The following RFX7 variants were observed in gnomAD, a reference collection of about 807,000 sequenced individuals.
RFX7 encodes DNA-binding protein RFX7.
A neutral mutation model predicts 111.8 loss-of-function variants in RFX7; 26 were observed. The ratio of observed to expected loss-of-function variants is 0.23; its 90% CI spans 0.17 to 0.32. RFX7 has a LOEUF of 0.32. Ranked by LOEUF, RFX7 falls within the 10% of genes least tolerant of loss-of-function variation. RFX7 has a pLI of 1.00. For synonymous variants in RFX7, 624 were observed against 624.4 expected (o/e 1.00, Z 0.01); for missense variants, 1,573 against 1,772.9 (o/e 0.89, Z 2.02).
rs1285851876 is a variant in RFX7 at position 56,103,108 on chromosome 15, T to A, written c.518+446A>T. On this transcript the variant is annotated intron_variant, in intron 6 of 9. Coordinates refer to ENST00000559447, the MANE Select transcript of RFX7 (RefSeq NM_022841.7). ...AAATACTTGTACTGAAAGATTAGTGTTTCTGTTAAAGTTCCATAAGATTTT... is the reference window on the plus strand; with the variant it reads ...AAATACTTGTACTGAAAGATTAGTGATTCTGTTAAAGTTCCATAAGATTTT... Among the ~76,000 whole-genome samples the A allele has an allele frequency of 1.3e-4, 20 of 151,976 alleles. No individual in the cohort carries two copies. In the East Asian group the frequency reaches 3.5e-3, roughly 26 times the overall value.
At chr15:56,183,207 T>C (rs2042995611) in intron 2 of RFX7, among the ~76,000 whole-genome samples, 1 of 152,118 alleles carries the variant, frequency 6.6e-6, no homozygotes, top group Non-Finnish European at 1.5e-5. Flanking sequence ...TATTTCTTAT[T>C]ACATTATAGA....
intron 5 of RFX7, among the ~76,000 whole-genome samples, chr15:56,125,599 CTGTGTGTGTGAGTG>C (rs2042132584): frequency 1.7e-5 from 2 of 116,790 alleles, no homozygotes; most frequent in Non-Finnish European, 3.6e-5. Flanking sequence ...AGGGTTTCTT[CTGTGTGTGTGAGTG>C]TGTGTGTGTG....
intron 5 of RFX7, among the ~76,000 whole-genome samples, chr15:56,109,444 T>C (rs1243801979): frequency 4.6e-5 from 7 of 151,664 alleles, no homozygotes; most frequent in Non-Finnish European, 1.0e-4. Flanking sequence ...AGTGCCGAGA[T>C]TGCAGCCTCT....
intron 5 of RFX7, among the ~76,000 whole-genome samples, chr15:56,107,245 C>T (rs1172562263): frequency 3.3e-5 from 4 of 120,658 alleles, no homozygotes; most frequent in African/African-American, 6.5e-5. Context: ...TGCAGTGGGC[C>T]GAGATCGCGC....
Position 56,095,647 on chromosome 15 carries a change from T to A in RFX7, c.2081A>T (p.Lys694Met). The A allele has an allele frequency of 6.2e-7, 1 of 1,614,042 alleles. No homozygotes were observed. Residue 694 changes from lysine (K) to methionine (M), a missense_variant, in exon 10 of 10, where the codon AAG becomes ATG. By Grantham distance (95) the Lys-to-Met change is moderately conservative. Transcript: ENST00000559447. ...TGAATGTGGAACCTTTTGGTCCTTC[T>A]TAACACTGCCTTGTTTCTGCCCTTC... ...TIEGQKQGSV[K>M]KDQKVPHSGK...
chr15:56,151,394 G>C (rs2042567451), intron 3 of RFX7, among the ~76,000 whole-genome samples: 1 of 152,180 alleles, frequency 6.6e-6, no homozygotes, highest in African/African-American at 2.4e-5. Flanking sequence ...AAGAGAGTGG[G>C]AGCCAATATT....
In RFX7 at chr15:56,125,052, A is replaced by T. The variant is rs528146932; in HGVS notation, c.401+17726T>A. On this transcript the variant is annotated intron_variant, in intron 5 of 9. Transcript: ENST00000559447. Reference sequence around the variant, plus strand: ...TGTATAGGGTGAGAGATGGGAGTTTAGTTTTATTCTTCTGCATATGTATAC... The same window carrying T: ...TGTATAGGGTGAGAGATGGGAGTTTTGTTTTATTCTTCTGCATATGTATAC... Among the ~76,000 whole-genome samples the T allele has an allele frequency of 4.0e-4, 61 of 152,278 alleles. No individual in the cohort carries two copies. The South Asian group carries it at 0.012, about 31-fold the overall frequency.
At chr15:56,184,869 T>A (rs767645449) in intron 2 of RFX7, among the ~76,000 whole-genome samples, 1 of 152,256 alleles carries the variant, frequency 6.6e-6, no homozygotes, top group Admixed American at 6.5e-5. Flanking sequence ...GAAGTTGGTA[T>A]GATTTGCTTA....
intron 3 of RFX7, among the ~76,000 whole-genome samples, chr15:56,152,717 G>A (rs1595970740): frequency 6.6e-6 from 1 of 151,502 alleles, no homozygotes; most frequent in Middle Eastern, 3.4e-3. Context: ...CAGAACTGAA[G>A]GAGATGGAGA....
At chr15:56,215,583 C>T (rs2043355789) in intron 2 of RFX7, among the ~76,000 whole-genome samples, 1 of 152,060 alleles carries the variant, frequency 6.6e-6, no homozygotes, top group Non-Finnish European at 1.5e-5. Flanking sequence ...ACACTTGTGG[C>T]TTCAATTTGC....
At chr15:56,207,031 A>T (rs939178641) in intron 2 of RFX7, among the ~76,000 whole-genome samples, 9 of 152,192 alleles carry the variant, frequency 5.9e-5, no homozygotes, top group African/African-American at 2.2e-4. Context: ...ACAAAGGATA[A>T]ATGCATGAGA....
At chr15:56,189,886 TGAA>T (rs2043082963) in intron 2 of RFX7, 1 of 152,180 alleles carries the variant, frequency 6.6e-6, no homozygotes, top group African/African-American at 2.4e-5. Context: ...AAACAGATGT[TGAA>T]GAAAAAGAAT....
At chr15:56,157,488 G>C (rs1595974872) in intron 3 of RFX7, among the ~76,000 whole-genome samples, 2 of 152,208 alleles carry the variant, frequency 1.3e-5, no homozygotes, top group Middle Eastern at 3.4e-3. Flanking sequence ...TATATCATGG[G>C]ATTCTTTATT....
rs1440668060 is a variant in RFX7 at position 56,093,635 on chromosome 15, G to A, written c.4093C>T (p.Leu1365=). 2 of 1,613,796 alleles carry A rather than the reference G, an allele frequency of 1.2e-6. No individual in the cohort carries two copies. Among genetic ancestry groups the A allele is most frequent in the Non-Finnish European group, 1.7e-6 (2 of 1,179,822 alleles). Residue 1365 remains leucine, a synonymous_variant, in exon 10 of 10, where the codon CTG becomes TTG. Transcript: ENST00000559447. ...SGDSLQTNQQ[L]VGQGASDLTN... ...AGATCAGATGCTCCCTGACCTACCA[G>A]CTGCTGGTTGGTTTGCAAGCTGTCT...
chr15:56,180,917 CA>C (rs1417015875), intron 2 of RFX7, among the ~76,000 whole-genome samples: 1 of 151,230 alleles, frequency 6.6e-6, no homozygotes, highest in Non-Finnish European at 1.5e-5. Flanking sequence ...ACTCCGTCTC[CA>C]AAAAAAATAA....
intron 4 of RFX7, among the ~76,000 whole-genome samples, chr15:56,143,834 G>A (rs1233331867): frequency 6.6e-6 from 1 of 152,114 alleles, no homozygotes; most frequent in Non-Finnish European, 1.5e-5. Context: ...GATGAATTCT[G>A]AGAAATACTT....
intron 3 of RFX7, among the ~76,000 whole-genome samples, chr15:56,178,672 C>T (rs748260525): frequency 2.1e-4 from 32 of 152,270 alleles, no homozygotes; most frequent in African/African-American, 6.7e-4. Flanking sequence ...TTCCCTCACA[C>T]GTTTAAAAGA....
At chr15:56,107,840 A>ATGAT (rs2041852663) in intron 5 of RFX7, among the ~76,000 whole-genome samples, 1 of 152,086 alleles carries the variant, frequency 6.6e-6, no homozygotes, top group Non-Finnish European at 1.5e-5. Flanking sequence ...ACAATAAAAA[A>ATGAT]TGATAATAAA....
At chr15:56,232,152 C>T (rs1312202872) in intron 2 of RFX7, among the ~76,000 whole-genome samples, 1 of 152,166 alleles carries the variant, frequency 6.6e-6, no homozygotes, top group Non-Finnish European at 1.5e-5. Context: ...GGATGGTGGT[C>T]CTTTTCTCAC....
Sources: allele counts gnomAD v4.1 joint callset (sites outside exome capture counted in the v4.1 genomes callset), GRCh38; gene constraint gnomAD v4.1.1; transcripts MANE v1.5; gene names NCBI Gene and HGNC (gene_info 2026-07-23, HGNC 2026-07-21).